DHX37: variants seen among roughly 807,000 people sequenced by gnomAD.
DHX37 encodes probable ATP-dependent RNA helicase DHX37.
Under a neutral mutation model 134.3 loss-of-function variants are expected in DHX37, and 52 were observed. The ratio of observed to expected loss-of-function variants is 0.39; its 90% CI spans 0.31 to 0.49. The LOEUF (loss-of-function observed/expected upper bound fraction) is 0.49. DHX37 is among the 20% of genes least tolerant of loss of function. DHX37 has a pLI of 0.93. For synonymous variants in DHX37, 634 were observed against 670.7 expected (o/e 0.95, Z 0.85); for missense variants, 1,344 against 1,580.8 (o/e 0.85, Z 2.54).
chr12:124,967,006 C>T, intron 11 of DHX37, 117 bp downstream of exon 11: 1 of 1,534,060 alleles, frequency 6.5e-7, no homozygotes. Flanking sequence ...TGGGGGATGG[C>T]AAAGGTGCTG....
In DHX37 at chr12:124,967,224, G is replaced by A. The variant is rs1042909265; in HGVS notation, c.1409-6C>T. On this transcript the variant is annotated splice_region_variant and splice_polypyrimidine_tract_variant and intron_variant, in intron 10 of 26. Coordinates refer to ENST00000308736, the MANE Select transcript of DHX37 (RefSeq NM_032656.4). ...CAGGAACACCAGGATGCCACCTGTG[G>A]AAAGAATGGGCCCCTCTGTTATCCA... The A allele has an allele frequency of 2.8e-5, 45 of 1,613,212 alleles. No homozygotes were observed. Among genetic ancestry groups the A allele is most frequent in the Non-Finnish European group, 3.8e-5 (45 of 1,179,842 alleles).
chr12:124,953,681 G>C (rs1329194191), intron 20 of DHX37, 199 bp downstream of exon 20: 3 of 967,580 alleles, frequency 3.1e-6, no homozygotes, highest in South Asian at 3.6e-5. Context: ...CTGGCAGCTC[G>C]AATCTGTTAG....
chr12:124,983,094 A>C (rs901132292), intron 2 of DHX37, among the ~76,000 whole-genome samples: 1 of 151,882 alleles, frequency 6.6e-6, no homozygotes, highest in Non-Finnish European at 1.5e-5. Flanking sequence ...TGTTCTTGTA[A>C]CTGTACATAT....
intron 1 of DHX37, among the ~76,000 whole-genome samples, chr12:124,986,839 A>C (rs1315070355): frequency 6.6e-6 from 1 of 151,886 alleles, no homozygotes; most frequent in East Asian, 2.0e-4. Context: ...TCCGCCTCCC[A>C]GGTTCCAGCA....
chr12:124,949,902 G>A lies in DHX37; in HGVS notation c.3290+84C>T. On this transcript the variant is annotated intron_variant, in intron 25 of 26. Coordinates refer to ENST00000308736, the MANE Select transcript of DHX37 (RefSeq NM_032656.4). The surrounding 1 kb of genome is among the most constrained non-coding windows in gnomAD (Gnocchi z 4.0). Reference sequence around the variant, plus strand: ...GATGTTTTAAGCCTCCCTGTGTGTGGTGCTTTGTCCTGGCAGCCCCGGGGA... The same window carrying A: ...GATGTTTTAAGCCTCCCTGTGTGTGATGCTTTGTCCTGGCAGCCCCGGGGA... 5.7e-6 allele frequency: 8 copies of A among 1,408,212 alleles called. 1 individual carries two copies. The highest frequency in any genetic ancestry group is 5.0e-5 in the East Asian group (2 of 39,868). The allele number at this position is 1,408,212 out of a possible 1,614,324, so 87.2% of individuals were successfully genotyped here.
intron 15 of DHX37, among the ~76,000 whole-genome samples, chr12:124,963,807 G>A (rs1954320183): frequency 6.7e-6 from 1 of 149,802 alleles, no homozygotes; most frequent in Non-Finnish European, 1.5e-5. Flanking sequence ...GTGAACCCGG[G>A]AGGTGGAGCT....
At position 124,968,406 on chromosome 12, in the gene DHX37, G is replaced by A. The variant is rs1954440400; in HGVS notation, c.1408+128C>T. The A allele has an allele frequency of 3.4e-6, 5 of 1,468,026 alleles. No individual in the cohort carries two copies. In the South Asian group the frequency reaches 6.6e-5, roughly 19 times the overall value. The allele number at this position is 1,468,026 out of a possible 1,614,324, so 90.9% of individuals were successfully genotyped here. ...GTCATGAACACTCTGGAATAAGTGA[G>A]GAAGCCGAGGCCTGGCAGGGTCAAG... On this transcript the variant is annotated intron_variant, in intron 10 of 26. Coordinates refer to ENST00000308736, the MANE Select transcript of DHX37 (RefSeq NM_032656.4).
chr12:124,988,751 T>C (rs1188782375), intron 1 of DHX37, among the ~76,000 whole-genome samples, 166 bp downstream of exon 1: 1 of 151,768 alleles, frequency 6.6e-6, no homozygotes, highest in Non-Finnish European at 1.5e-5. Flanking sequence ...AACTAGGCTG[T>C]CACTAAGCCC....
At chr12:124,970,062 C>A (rs549577849) in intron 8 of DHX37, among the ~76,000 whole-genome samples, 3 of 152,208 alleles carry the variant, frequency 2.0e-5, no homozygotes, top group African/African-American at 4.8e-5. Context: ...AAGCTCCACC[C>A]GCTGGGTTCA....
chr12:124,954,621 A>T (rs1173341938), intron 18 of DHX37, among the ~76,000 whole-genome samples: 3 of 151,996 alleles, frequency 2.0e-5, no homozygotes, highest in Admixed American at 2.0e-4. Context: ...AATGGTCTCG[A>T]TCTCCTGACT....
intron 15 of DHX37, among the ~76,000 whole-genome samples, 199 bp downstream of exon 15, chr12:124,964,195 C>CAAAAAAA (rs397692928): frequency 5.2e-5 from 3 of 57,458 alleles, no homozygotes; most frequent in Admixed American, 2.1e-4. Flanking sequence ...AACTCCATCT[C>CAAAAAAA]AAAAAAAAAA....
At chr12:124,950,103 G>A in intron 24 of DHX37, 44 bp from the exon 25 acceptor site, 1 of 1,613,840 alleles carries the variant, frequency 6.2e-7, no homozygotes, top group South Asian at 1.1e-5. Flanking sequence ...GGCTGCTGCT[G>A]CCCACGGTAC....
At chr12:124,948,009 T>TGCACAAA (rs768860955) in intron 26 of DHX37, 75 bp downstream of exon 26, 8 of 1,613,716 alleles carry the variant, frequency 5.0e-6, no homozygotes, top group Middle Eastern at 1.6e-4. Flanking sequence ...GGGCTGACCG[T>TGCACAAA]GCACAAAGCA....
In DHX37 at chr12:124,964,497, G is replaced by T. The variant is rs201143572; in HGVS notation, c.1942C>A (p.Arg648Ser). The T allele has an allele frequency of 4.3e-6, 7 of 1,614,202 alleles. No homozygotes were observed. The highest frequency in any genetic ancestry group is 5.9e-6 in the Non-Finnish European group (7 of 1,180,032). The change falls in exon 15 of 27, where the codon CGC (arginine) becomes AGC (serine). Residue 648 changes from arginine (R) to serine (S), a missense_variant. Arg to Ser is a moderately radical substitution (Grantham distance 110, BLOSUM62 -1). This residue lies in a region of DHX37 where 39 missense variants were observed against 87.9 expected (regional missense o/e 0.44). Transcript: ENST00000308736. ...CGGAAGGAGGATACGCCAGTGACGC[G>T]GTCGTAGTAGCGTTTCTTGACCTTC... Reference protein sequence around the residue: ...CGKVKKRYYDRVTGVSSFRVT... With the variant: ...CGKVKKRYYDSVTGVSSFRVT...
At chr12:124,979,306 T>C (rs900652671) in intron 4 of DHX37, among the ~76,000 whole-genome samples, 12 of 151,954 alleles carry the variant, frequency 7.9e-5, no homozygotes, top group African/African-American at 2.4e-4. Context: ...GAGGCGGAGG[T>C]TGCAGTCAGC....
intron 4 of DHX37, among the ~76,000 whole-genome samples, chr12:124,978,708 T>C (rs1006430002): frequency 6.6e-6 from 1 of 150,906 alleles, no homozygotes; most frequent in Non-Finnish European, 1.5e-5. Flanking sequence ...GAGGACTGCT[T>C]GAGGTCAGGA....
intron 21 of DHX37, among the ~76,000 whole-genome samples, chr12:124,952,129 A>T (rs1317335581): frequency 6.6e-6 from 1 of 152,212 alleles, no homozygotes; most frequent in African/African-American, 2.4e-5. Context: ...CCTGGGCAAC[A>T]GAGCGAGACC....
intron 6 of DHX37, among the ~76,000 whole-genome samples, chr12:124,972,824 C>G (rs1012790951): frequency 3.9e-5 from 6 of 152,264 alleles, no homozygotes; most frequent in Non-Finnish European, 8.8e-5. Flanking sequence ...GAGCCAGGCC[C>G]TGAACACCTC....
rs1289499029 is a variant in DHX37, at chr12:124,980,556, T to C, written c.672A>G (p.Pro224=). ...MTVPPPPAAA[P]PLPRALAKPA... Reference sequence around the variant, plus strand: ...GCTTAGCCAGGGCCCTGGGCAGTGGTGGGGCTGCAGCTGGAGGAGGAGGAA... The same window carrying C: ...GCTTAGCCAGGGCCCTGGGCAGTGGCGGGGCTGCAGCTGGAGGAGGAGGAA... Residue 224 remains proline (P), a synonymous_variant, in exon 4 of 27, where the codon CCA becomes CCG. Coordinates refer to ENST00000308736, the MANE Select transcript of DHX37 (RefSeq NM_032656.4). The surrounding 1 kb of genome is among the most constrained non-coding windows in gnomAD (Gnocchi z 5.3). 4 of 1,611,740 alleles carry C rather than the reference T, an allele frequency of 2.5e-6. No individual in the cohort carries two copies. Among genetic ancestry groups the C allele is most frequent in the African/African-American group, 1.3e-5 (1 of 74,796 alleles).
Sources: allele counts gnomAD v4.1 joint callset (sites outside exome capture counted in the v4.1 genomes callset), GRCh38; gene constraint gnomAD v4.1.1; regional missense constraint gnomAD v4.1.1; non-coding constraint Gnocchi (gnomAD v3.1); transcripts MANE v1.5; gene names NCBI Gene and HGNC (gene_info 2026-07-23, HGNC 2026-07-21).